The following TMEM272 variants were observed in gnomAD, a reference collection of about 807,000 sequenced individuals.
The protein encoded by TMEM272 is transmembrane protein 272, also known as long intergenic non-protein coding RNA 282.
Under a neutral mutation model 3.7 loss-of-function variants are expected in TMEM272, and 8 were observed. The ratio of observed to expected loss-of-function variants is 2.17; its 90% CI spans 1.27 to 3.91. The LOEUF is 3.91. Ranked by LOEUF, TMEM272 falls within the 30% of genes most tolerant of loss-of-function variation. The probability of loss-of-function intolerance (pLI) is 0.00; values close to 1 mark genes in which losing one functional copy is unlikely to be tolerated. For missense variants in TMEM272, 166 were observed against 91.5 expected (o/e 1.81, Z -3.32); for synonymous variants, 63 against 39.8 (o/e 1.58, Z -2.20).
chr13:51,830,415 GCTC>G (rs1446471960), intron 2 of TMEM272, among the ~76,000 whole-genome samples: 3 of 152,178 alleles, frequency 2.0e-5, no homozygotes, highest in Non-Finnish European at 2.9e-5. Context: ...AGCCCACTCC[GCTC>G]CTCATTACCT....
chr13:51,928,471 G>A, the TMEM272 span, among the ~76,000 whole-genome samples: 2 of 152,336 alleles, frequency 1.3e-5, no homozygotes, highest in Non-Finnish European at 2.9e-5. Flanking sequence ...CAGATGAGAA[G>A]GCTGAAGCCC....
At chr13:51,860,406 G>A in the TMEM272 span, among the ~76,000 whole-genome samples, 60 of 152,186 alleles carry the variant, frequency 3.9e-4, no homozygotes, top group African/African-American at 1.3e-3. Flanking sequence ...TTGGGAAGCC[G>A]AATGGGTAGA....
At chr13:51,820,164 C>A (rs948874805) in intron 4 of TMEM272, among the ~76,000 whole-genome samples, 2 of 152,156 alleles carry the variant, frequency 1.3e-5, no homozygotes, top group African/African-American at 4.8e-5. Flanking sequence ...CTACTTAATT[C>A]ATTTCCTGAT....
chr13:51,834,305 A>G (rs1339176946), intron 2 of TMEM272, among the ~76,000 whole-genome samples: 2 of 152,156 alleles, frequency 1.3e-5, no homozygotes, highest in Non-Finnish European at 2.9e-5. Context: ...GGGTGTGTAG[A>G]GGAAATAATG....
At chr13:51,824,265 C>G (rs1469059338) in intron 3 of TMEM272, among the ~76,000 whole-genome samples, 2 of 152,218 alleles carry the variant, frequency 1.3e-5, no homozygotes, top group Non-Finnish European at 1.5e-5. Flanking sequence ...CTTGTCTGAT[C>G]TGCAGTATCA....
the TMEM272 span, chr13:51,909,341 G>C: frequency 2.6e-3 from 2,270 of 880,048 alleles, 36 homozygotes; most frequent in African/African-American, 0.034. Context: ...GCTTTCTGCA[G>C]GTCTCCAGCT....
At chr13:51,828,379 C>T (rs762793572) in intron 2 of TMEM272, among the ~76,000 whole-genome samples, 2 of 152,212 alleles carry the variant, frequency 1.3e-5, no homozygotes, top group African/African-American at 2.4e-5. Context: ...CACCACCAAA[C>T]GCCAGCTCTG....
At chr13:51,838,160 C>T (rs1566352116) in intron 2 of TMEM272, among the ~76,000 whole-genome samples, 3 of 152,194 alleles carry the variant, frequency 2.0e-5, no homozygotes, top group Non-Finnish European at 4.4e-5. Context: ...ATTGCCCTGC[C>T]GTGTTGCCCA....
chr13:51,843,559 T>C (rs1956279316), intron 1 of TMEM272, among the ~76,000 whole-genome samples: 1 of 152,258 alleles, frequency 6.6e-6, no homozygotes. Context: ...TTAGTCAATT[T>C]CTATACCTTC....
chr13:51,930,482 TGAA>T, the TMEM272 span: 1 of 152,136 alleles, frequency 6.6e-6, no homozygotes, highest in Admixed American at 6.6e-5. Context: ...AGTTTGAAAA[TGAA>T]GAAAATAGAG....
At chr13:51,922,118 G>GT in the TMEM272 span, among the ~76,000 whole-genome samples, 2 of 152,306 alleles carry the variant, frequency 1.3e-5, no homozygotes, top group African/African-American at 4.8e-5. Context: ...TGGAGATGGC[G>GT]TATCAGTTCA....
intron 3 of TMEM272, among the ~76,000 whole-genome samples, chr13:51,825,428 G>A (rs992397066): frequency 1.3e-5 from 2 of 152,098 alleles, no homozygotes; most frequent in Non-Finnish European, 1.5e-5. Flanking sequence ...GATTCACAGT[G>A]TTGTGCAACT....
the TMEM272 span, chr13:51,865,609 T>C: frequency 2.5e-6 from 4 of 1,614,104 alleles, no homozygotes; most frequent in Admixed American, 1.7e-5. Context: ...GCAAGATCCA[T>C]GCTTTCCGGG....
chr13:51,826,137 G>GAAAAAAAAAAAAAA (rs1254151467), intron 3 of TMEM272, among the ~76,000 whole-genome samples: 1 of 69,972 alleles, frequency 1.4e-5, no homozygotes, highest in African/African-American at 7.1e-5. Flanking sequence ...CATTCATTCA[G>GAAAAAAAAAAAAAA]CAAAAAAAAA....
intron 2 of TMEM272, among the ~76,000 whole-genome samples, chr13:51,828,903 TTCAGATGCAGACAGAAG>T (rs977420661): frequency 2.6e-5 from 4 of 152,182 alleles, no homozygotes; most frequent in Non-Finnish European, 5.9e-5. Context: ...CAGAACTTGC[TTCAGATGCAGACAGAAG>T]GCAATGATGT....
chr13:51,872,453 C>A, the TMEM272 span, among the ~76,000 whole-genome samples: 1 of 151,530 alleles, frequency 6.6e-6, no homozygotes, highest in Non-Finnish European at 1.5e-5. Context: ...ACACTGAGAT[C>A]AAAAAAGAAA....
At chr13:51,909,129 T>C in the TMEM272 span, 20 of 1,449,866 alleles carry the variant, frequency 1.4e-5, no homozygotes, top group African/African-American at 2.8e-5. Flanking sequence ...TGCATAAGGA[T>C]CTTTTTCTAA....
At chr13:51,855,983 G>A in the TMEM272 span, among the ~76,000 whole-genome samples, 1 of 152,190 alleles carries the variant, frequency 6.6e-6, no homozygotes, top group Non-Finnish European at 1.5e-5. Context: ...CAGCATTGCA[G>A]TAAATAGTTT....
rs759829988 is a variant in TMEM272 at position 51,816,984 on chromosome 13, G to C, written c.331C>G (p.Leu111Val). Residue 111 changes from leucine to valine, a missense_variant, in exon 5 of 5, where the codon CTG becomes GTG. Physicochemically the swap from Leu to Val is conservative, Grantham distance 32. Transcript: ENST00000629372. Reference protein sequence around the residue: ...NAHRYYIHLLLSLFLFLWFIL... With the variant: ...NAHRYYIHLLVSLFLFLWFIL... ...AACCAGAGGAAGAGGAAGAGGCTCA[G>C]CAGGAGGTGGATGTAGTATCTGTGC... 26 of 702,946 alleles carry C rather than the reference G, an allele frequency of 3.7e-5. No individual in the cohort carries two copies. Among genetic ancestry groups the C allele is most frequent in the South Asian group, 3.7e-4 (25 of 67,612 alleles). 43.5% of individuals were successfully genotyped at this position (702,946 alleles called of 1,614,324 possible). A position where few individuals can be genotyped will look rare whatever the true frequency, so the allele number is the denominator to read the frequency against.
Sources: allele counts gnomAD v4.1 joint callset (sites outside exome capture counted in the v4.1 genomes callset), GRCh38; gene constraint gnomAD v4.1.1; transcripts MANE v1.5; gene names NCBI Gene and HGNC (gene_info 2026-07-23, HGNC 2026-07-21).